The following OPCML variants were observed in gnomAD, a reference collection of about 807,000 sequenced individuals.
The protein encoded by OPCML is opioid binding protein/cell adhesion molecule like, also known as opioid-binding protein/cell adhesion molecule.
OPCML carries 13 observed loss-of-function variants against 37.8 expected under a neutral mutation model. The observed-to-expected ratio is 0.34, with a 90% CI of 0.22 to 0.55. The LOEUF (loss-of-function observed/expected upper bound fraction) is 0.55. Ranked by LOEUF, OPCML falls within the 20% of genes least tolerant of loss-of-function variation. The probability of loss-of-function intolerance (pLI) is 0.91; values close to 1 mark genes in which losing one functional copy is unlikely to be tolerated. For synonymous variants in OPCML, 176 were observed against 168.8 expected (o/e 1.04, Z -0.33); for missense variants, 341 against 435.6 (o/e 0.78, Z 1.93).
intron 1 of OPCML, among the ~76,000 whole-genome samples, chr11:133,289,383 CAGG>C (rs1411368067): frequency 6.6e-6 from 1 of 151,320 alleles, no homozygotes; most frequent in Non-Finnish European, 1.5e-5. Context: ...ATCACGAGGT[CAGG>C]AGATCGAGAC....
At chr11:132,603,211 T>C (rs1192415366) in intron 3 of OPCML, among the ~76,000 whole-genome samples, 1 of 152,230 alleles carries the variant, frequency 6.6e-6, no homozygotes, top group African/African-American at 2.4e-5. Flanking sequence ...TATATTCACA[T>C]GTCTGCCAGT....
chr11:132,863,319 A>C (rs1797247199), intron 2 of OPCML, among the ~76,000 whole-genome samples: 1 of 152,220 alleles, frequency 6.6e-6, no homozygotes, highest in Non-Finnish European at 1.5e-5. Flanking sequence ...GTAGGAGGAC[A>C]TGACCAAATA....
At chr11:133,378,102 G>T (rs760822646) in intron 1 of OPCML, among the ~76,000 whole-genome samples, 3 of 152,216 alleles carry the variant, frequency 2.0e-5, no homozygotes, top group African/African-American at 7.2e-5. Context: ...TGCGTCAGGC[G>T]TTTAGAAGAA....
chr11:133,046,604 A>G (rs1279477541), intron 1 of OPCML, among the ~76,000 whole-genome samples: 4 of 152,186 alleles, frequency 2.6e-5, no homozygotes, highest in African/African-American at 9.7e-5. Context: ...TTTACCAGCT[A>G]ACACTTTGCC....
chr11:133,394,724 C>T (rs991887422), intron 1 of OPCML, among the ~76,000 whole-genome samples: 1 of 152,198 alleles, frequency 6.6e-6, no homozygotes, highest in Admixed American at 6.5e-5. Context: ...CATGCTATTG[C>T]AAATGACAGC....
chr11:132,689,418 G>C (rs779282833), intron 2 of OPCML, among the ~76,000 whole-genome samples: 3 of 152,172 alleles, frequency 2.0e-5, no homozygotes, highest in Non-Finnish European at 4.4e-5. Flanking sequence ...GACTCTCTCC[G>C]TGTATTGACA....
At chr11:133,345,641 C>T (rs993246218) in intron 1 of OPCML, among the ~76,000 whole-genome samples, 5 of 152,156 alleles carry the variant, frequency 3.3e-5, no homozygotes, top group African/African-American at 1.2e-4. Context: ...TTGCACTAAA[C>T]CAAGATGTGC....
intron 1 of OPCML, among the ~76,000 whole-genome samples, chr11:133,073,762 G>A (rs1948581049): frequency 1.3e-5 from 2 of 152,276 alleles, no homozygotes; most frequent in South Asian, 4.1e-4. Context: ...AAGTGATTAT[G>A]AACAAATGCA....
chr11:133,215,154 C>G (rs1042576467), intron 1 of OPCML, among the ~76,000 whole-genome samples: 18 of 152,080 alleles, frequency 1.2e-4, no homozygotes, highest in African/African-American at 4.3e-4. Context: ...TCCTTCCAGG[C>G]TTATGGTTCT....
In OPCML at chr11:133,159,306, G is replaced by A. The variant is rs78892040; in HGVS notation, c.62-216296C>T. On this transcript the variant is annotated intron_variant, in intron 1 of 7. Transcript: ENST00000524381. Reference sequence around the variant, plus strand: ...GAAAGGGAGAGGTCAGAGGTCCCTGGGGCACGATGTATGCCTCAGTCAGGA... The same window carrying A: ...GAAAGGGAGAGGTCAGAGGTCCCTGAGGCACGATGTATGCCTCAGTCAGGA... Among the ~76,000 whole-genome samples, 1,091 of 152,240 alleles carry A rather than the reference G, an allele frequency of 7.2e-3. 18 individuals carry two copies. Among genetic ancestry groups the A allele is most frequent in the African/African-American group, 0.025 (1,021 of 41,536 alleles).
intron 1 of OPCML, among the ~76,000 whole-genome samples, chr11:133,325,892 T>C (rs1050728152): frequency 1.3e-5 from 2 of 152,190 alleles, no homozygotes; most frequent in Non-Finnish European, 2.9e-5. Context: ...AAGCATTTTG[T>C]CCTCTTCAGT....
At chr11:132,938,082 A>G (rs897330256) in intron 2 of OPCML, among the ~76,000 whole-genome samples, 20 of 152,180 alleles carry the variant, frequency 1.3e-4, no homozygotes, top group African/African-American at 4.8e-4. Context: ...TGAAGACAAT[A>G]AAATTGTTTA....
intron 2 of OPCML, among the ~76,000 whole-genome samples, chr11:132,716,739 A>T (rs1944508734): frequency 6.6e-6 from 1 of 152,186 alleles, no homozygotes; most frequent in African/African-American, 2.4e-5. Flanking sequence ...ATAATTTTAA[A>T]TTAATGTTTT....
intron 1 of OPCML, among the ~76,000 whole-genome samples, chr11:133,441,486 A>G (rs1413392747): frequency 6.6e-6 from 1 of 152,200 alleles, no homozygotes; most frequent in African/African-American, 2.4e-5. Context: ...ACTGTTTCAT[A>G]GAAAACTAAA....
chr11:133,284,895 C>T (rs1354972159), intron 1 of OPCML, among the ~76,000 whole-genome samples: 2 of 151,906 alleles, frequency 1.3e-5, no homozygotes, highest in Non-Finnish European at 2.9e-5. Flanking sequence ...AGCAGGAATA[C>T]CCCAAATGGA....
rs544148132 is a variant in OPCML at position 133,007,097 on chromosome 11, G to A, written c.62-64087C>T. 3.0e-6 allele frequency: 3 copies of A among 985,392 alleles called. No homozygotes were observed. The East Asian group carries it at 3.4e-4, about 112-fold the overall frequency. 61.0% of individuals were successfully genotyped at this position (985,392 alleles called of 1,614,324 possible). ...ACCAGATGTCAAACCAGTTTAAGAG[G>A]AGACATCCCCTAGAGCTTTATTTTC... On this transcript the variant is annotated intron_variant, in intron 1 of 7. Transcript: ENST00000524381.
chr11:132,509,792 C>T (rs1387439770), intron 4 of OPCML, among the ~76,000 whole-genome samples: 1 of 152,184 alleles, frequency 6.6e-6, no homozygotes, highest in Non-Finnish European at 1.5e-5. Context: ...GGGGTGGGGC[C>T]CTCATGGAGA....
At chr11:133,063,902 A>G (rs531661916) in intron 1 of OPCML, among the ~76,000 whole-genome samples, 4 of 152,306 alleles carry the variant, frequency 2.6e-5, no homozygotes, top group Non-Finnish European at 4.4e-5. Flanking sequence ...CTTCAAAGCC[A>G]TTCCTGAATT....
At chr11:133,366,588 GAGA>G (rs1307867464) in intron 1 of OPCML, among the ~76,000 whole-genome samples, 2 of 152,158 alleles carry the variant, frequency 1.3e-5, no homozygotes, top group African/African-American at 2.4e-5. Flanking sequence ...TCATGATGGG[GAGA>G]AGAAGGCGGA....
Sources: gnomAD v4.1 joint callset for allele counts (sites outside exome capture counted in the v4.1 genomes callset) on GRCh38, gnomAD v4.1.1 for gene constraint, MANE v1.5 for transcripts, NCBI Gene and HGNC (gene_info 2026-07-23, HGNC 2026-07-21) for gene names.